RIMS2: variants seen among roughly 807,000 people sequenced by gnomAD.
RIMS2 encodes the protein regulating synaptic membrane exocytosis protein 2.
In RIMS2, 59 loss-of-function variants were observed where a neutral mutation model predicts 174.4. That is an observed-to-expected ratio of 0.34 (90% CI 0.27 to 0.42). The LOEUF (loss-of-function observed/expected upper bound fraction) is 0.42. Ranked by LOEUF, RIMS2 falls within the 10% of genes least tolerant of loss-of-function variation. RIMS2 has a pLI of 1.00. For synonymous variants in RIMS2, 606 were observed against 572.5 expected, an observed-to-expected ratio of 1.06 and a Z score of -0.84; for missense variants, 1,620 against 1,666.3, an observed-to-expected ratio of 0.97 and a Z score of 0.48.
chr8:103,549,119 A>C (rs960749224), intron 1 of RIMS2, among the ~76,000 whole-genome samples: 2 of 152,148 alleles, frequency 1.3e-5, no homozygotes, highest in Non-Finnish European at 1.5e-5. Flanking sequence ...AATACAGAGA[A>C]CGCCACCAAG....
intron 13 of RIMS2, among the ~76,000 whole-genome samples, chr8:103,941,651 C>T (rs924418482): frequency 4.6e-5 from 7 of 152,070 alleles, no homozygotes; most frequent in Non-Finnish European, 1.0e-4. Flanking sequence ...TTTCTACAGA[C>T]TTACATTTTG....
intron 19 of RIMS2, among the ~76,000 whole-genome samples, chr8:104,137,233 T>G (rs1282046872): frequency 6.6e-6 from 1 of 152,174 alleles, no homozygotes; most frequent in Non-Finnish European, 1.5e-5. Context: ...TCTAATAAGT[T>G]TGTTTATATT....
chr8:103,885,972 A>C, exon 4 of RIMS2: 2 of 1,613,056 alleles, frequency 1.2e-6, no homozygotes, highest in Non-Finnish European at 1.7e-6. Context: ...CGGAAACAGC[A>C]CCACTTAGAT....
intron 14 of RIMS2, among the ~76,000 whole-genome samples, chr8:103,946,297 G>A (rs962391139): frequency 7.9e-5 from 12 of 152,124 alleles, no homozygotes; most frequent in Non-Finnish European, 1.5e-4. Flanking sequence ...TTTGAGACCA[G>A]CCTGGCCAAC....
At chr8:104,080,693 A>G (rs1423783456) in intron 19 of RIMS2, among the ~76,000 whole-genome samples, 1 of 152,078 alleles carries the variant, frequency 6.6e-6, no homozygotes, top group Non-Finnish European at 1.5e-5. Flanking sequence ...ATACAAATAT[A>G]TCTACAATTT....
intron 19 of RIMS2, among the ~76,000 whole-genome samples, chr8:104,180,512 C>G (rs561517611): frequency 1.3e-5 from 2 of 151,532 alleles, no homozygotes; most frequent in Admixed American, 1.3e-4. Flanking sequence ...GAAAGTAGAT[C>G]AATATGACTA....
intron 3 of RIMS2, among the ~76,000 whole-genome samples, chr8:103,789,898 G>A (rs952053617): frequency 1.3e-5 from 2 of 151,758 alleles, no homozygotes; most frequent in African/African-American, 4.8e-5. Context: ...GACTACAAGT[G>A]TGTGCTACCA....
intron 18 of RIMS2, 115 bp downstream of exon 20, chr8:104,013,736 C>T (rs1057186692): frequency 5.4e-6 from 4 of 734,592 alleles, no homozygotes; most frequent in South Asian, 3.5e-5. Flanking sequence ...TAGTAACAAT[C>T]GATACTAACC....
At chr8:103,986,747 C>T (rs1007466920) in intron 16 of RIMS2, among the ~76,000 whole-genome samples, 3 of 151,944 alleles carry the variant, frequency 2.0e-5, no homozygotes, top group Non-Finnish European at 2.9e-5. Flanking sequence ...GTGAAAGGCA[C>T]CTCTAATCCC....
chr8:103,548,384 A>G (rs2131487635), intron 1 of RIMS2, among the ~76,000 whole-genome samples: 1 of 152,332 alleles, frequency 6.6e-6, no homozygotes, highest in East Asian at 1.9e-4. Flanking sequence ...AATGTGATTC[A>G]CCACATAAAC....
chr8:104,169,337 TATAA>T (rs1269689865), intron 19 of RIMS2, among the ~76,000 whole-genome samples: 11,189 of 48,838 alleles, frequency 0.23, 538 homozygotes, highest in East Asian at 0.38. Flanking sequence ...TATATATATA[TATAA>T]AACAGATTCA....
intron 17 of RIMS2, among the ~76,000 whole-genome samples, chr8:104,001,608 CTT>C (rs148252820): frequency 8.6e-5 from 13 of 151,558 alleles, no homozygotes; most frequent in Non-Finnish European, 1.6e-4. Flanking sequence ...GTAACTTTCT[CTT>C]TTTTTTATCT....
intron 19 of RIMS2, among the ~76,000 whole-genome samples, chr8:104,050,214 A>T (rs1453246688): frequency 6.6e-6 from 1 of 152,072 alleles, no homozygotes; most frequent in Non-Finnish European, 1.5e-5. Flanking sequence ...TATTCCAAAA[A>T]TTTTATTTGT....
chr8:104,248,782 G>C (rs773746437), exon 21 of RIMS2: 4 of 1,610,182 alleles, frequency 2.5e-6, no homozygotes, highest in Non-Finnish European at 3.4e-6. Flanking sequence ...CTCAGCTAGT[G>C]GGACGCCAGA....
At chr8:103,869,612 C>T (rs939948263) in intron 3 of RIMS2, among the ~76,000 whole-genome samples, 1 of 152,076 alleles carries the variant, frequency 6.6e-6, no homozygotes, top group African/African-American at 2.4e-5. Context: ...CATGAGCCAC[C>T]ATGCCCGATG....
In RIMS2 at chr8:104,238,693, A is replaced by G. The variant is rs181673296; in HGVS notation, c.3335-6223A>G. On this transcript the variant is annotated intron_variant, in intron 19 of 23. Coordinates refer to ENST00000504942, the Ensembl canonical transcript of RIMS2. ...GGACCTCAACTTTCTCATTGCTGCAATAAGGGAGTGCATAAACTACATAGA... is the reference window on the plus strand; with the variant it reads ...GGACCTCAACTTTCTCATTGCTGCAGTAAGGGAGTGCATAAACTACATAGA... Among the ~76,000 whole-genome samples, 4 of 152,286 alleles carry G rather than the reference A, an allele frequency of 2.6e-5. 1 individual carries two copies. Among genetic ancestry groups the G allele is most frequent in the East Asian group, 1.9e-4 (1 of 5,180 alleles).
At chr8:104,045,533 C>T (rs995983899) in intron 19 of RIMS2, among the ~76,000 whole-genome samples, 1 of 151,764 alleles carries the variant, frequency 6.6e-6, no homozygotes, top group East Asian at 1.9e-4. Context: ...TTCAGCTACA[C>T]AAATTTTTAG....
intron 3 of RIMS2, chr8:103,768,474 G>C (rs941122797): frequency 1.2e-6 from 1 of 807,604 alleles, no homozygotes; most frequent in Non-Finnish European, 2.2e-6. Flanking sequence ...CCCATGAAGA[G>C]GGGTGTCTTG....
chr8:104,236,196 A>G (rs2099257674), intron 19 of RIMS2, among the ~76,000 whole-genome samples: 1 of 152,002 alleles, frequency 6.6e-6, no homozygotes, highest in African/African-American at 2.4e-5. Flanking sequence ...CGATAGACAC[A>G]TAATGTCAAG....
Sources: allele counts gnomAD v4.1 joint callset (sites outside exome capture counted in the v4.1 genomes callset), GRCh38; gene constraint gnomAD v4.1.1; transcripts MANE v1.5; gene names NCBI Gene and HGNC (gene_info 2026-07-23, HGNC 2026-07-21).